RYK: variants seen among roughly 807,000 people sequenced by gnomAD.
RYK encodes the protein receptor like tyrosine kinase, also known as inactive tyrosine-protein kinase RYK.
RYK carries 21 observed loss-of-function variants against 70.2 expected under a neutral mutation model. The ratio of observed to expected loss-of-function variants is 0.30; its 90% CI spans 0.21 to 0.43. RYK has a LOEUF of 0.43. Ranked by LOEUF, RYK falls within the 20% of genes least tolerant of loss-of-function variation. The probability of loss-of-function intolerance (pLI) is 1.00; values close to 1 mark genes in which losing one functional copy is unlikely to be tolerated. For missense variants in RYK, 604 were observed against 753.3 expected (o/e 0.80, Z 2.32); for synonymous variants, 267 against 278.0 (o/e 0.96, Z 0.39).
intron 4 of RYK, among the ~76,000 whole-genome samples, chr3:134,208,221 A>G (rs1033627310): frequency 2.0e-5 from 3 of 152,240 alleles, no homozygotes; most frequent in Middle Eastern, 3.2e-3. Context: ...CATTAACCTT[A>G]GCAGATATTA....
At chr3:134,179,449 C>T (rs893263855) in intron 10 of RYK, 3 of 152,186 alleles carry the variant, frequency 2.0e-5, no homozygotes, top group Admixed American at 2.0e-4. Context: ...CAGTAAACCT[C>T]TAAGAGGCAA....
chr3:134,178,152 A>T, intron 10 of RYK, 79 bp from the exon 11 acceptor site: 1 of 997,654 alleles, frequency 1.0e-6, no homozygotes, highest in South Asian at 1.6e-5. Context: ...AAATAATCTA[A>T]AACAAAACAA....
intron 2 of RYK, among the ~76,000 whole-genome samples, chr3:134,219,438 G>A (rs2014666742): frequency 6.6e-6 from 1 of 152,126 alleles, no homozygotes; most frequent in African/African-American, 2.4e-5. Flanking sequence ...CCATACACTT[G>A]CCCAGGAAAC....
chr3:134,228,468 A>G (rs1226714746), intron 1 of RYK, among the ~76,000 whole-genome samples: 2 of 152,216 alleles, frequency 1.3e-5, no homozygotes, highest in African/African-American at 4.8e-5. Context: ...ATGAATGCAT[A>G]AAGAAAATAT....
chr3:134,165,356 T>C (rs2012624298), intron 13 of RYK, among the ~76,000 whole-genome samples: 1 of 152,240 alleles, frequency 6.6e-6, no homozygotes, highest in Non-Finnish European at 1.5e-5. Flanking sequence ...TTTCTTCCCT[T>C]AGTGCACTGG....
Position 134,182,320 on chromosome 3 carries a change from A to G in RYK, c.1172+682T>C, listed in dbSNP as rs181177713. The stretch of plus-strand genomic sequence containing the variant: ...TGGCTACATGGATTTACAGTTGCCA[A>G]TATCAAAAGTCAGATACATTGTTTC... On this transcript the variant is annotated intron_variant, in intron 10 of 14. Coordinates refer to ENST00000623711, the MANE Select transcript of RYK (RefSeq NM_002958.4). Among the ~76,000 whole-genome samples, 7 of 152,308 alleles carry G rather than the reference A, an allele frequency of 4.6e-5. No individual in the cohort carries two copies. The East Asian group carries it at 7.7e-4, about 17-fold the overall frequency.
At chr3:134,193,340 C>T (rs958778871) in intron 7 of RYK, among the ~76,000 whole-genome samples, 3 of 152,116 alleles carry the variant, frequency 2.0e-5, no homozygotes, top group Non-Finnish European at 4.4e-5. Context: ...CGAGCCACCA[C>T]ACCCAGCTAA....
At chr3:134,216,075 G>GA (rs918866847) in intron 2 of RYK, among the ~76,000 whole-genome samples, 8 of 148,752 alleles carry the variant, frequency 5.4e-5, no homozygotes, top group South Asian at 2.2e-4. Context: ...AAAAGGAAAG[G>GA]AAAAAAAAAG....
At chr3:134,162,127 T>C (rs918416776) in intron 13 of RYK, among the ~76,000 whole-genome samples, 1 of 152,140 alleles carries the variant, frequency 6.6e-6, no homozygotes, top group Non-Finnish European at 1.5e-5. Context: ...TAGGGTGGAT[T>C]AGAGCTCATA....
chr3:134,191,744 A>T, intron 8 of RYK, 105 bp downstream of exon 8: 1 of 874,338 alleles, frequency 1.1e-6, no homozygotes, highest in South Asian at 2.0e-5. Context: ...TCCTATCCTT[A>T]TCTTAGACAC....
intron 5 of RYK, among the ~76,000 whole-genome samples, chr3:134,205,577 T>A (rs1002896310): frequency 6.6e-6 from 1 of 152,226 alleles, no homozygotes; most frequent in African/African-American, 2.4e-5. Context: ...GATACGGCTC[T>A]GCTGGGCAGA....
chr3:134,211,408 C>G (rs1285610042), intron 3 of RYK, 100 bp downstream of exon 3: 1 of 673,436 alleles, frequency 1.5e-6, no homozygotes, highest in Non-Finnish European at 2.5e-6. Context: ...TTATGCCTAT[C>G]AAGTAATACA....
chr3:134,202,472 G>C (rs2014056324), intron 6 of RYK: 2 of 388,060 alleles, frequency 5.2e-6, no homozygotes, highest in African/African-American at 4.3e-5. Context: ...TCATGTCAAA[G>C]GGAATAGAAA....
intron 1 of RYK, among the ~76,000 whole-genome samples, chr3:134,241,172 CAAAA>C (rs34101853): frequency 1.7e-5 from 2 of 118,112 alleles, no homozygotes; most frequent in Non-Finnish European, 1.7e-5. Flanking sequence ...CCATCTCTAC[CAAAA>C]AAAAAAAAAA....
At chr3:134,230,173 G>A (rs2015017607) in intron 1 of RYK, among the ~76,000 whole-genome samples, 1 of 152,146 alleles carries the variant, frequency 6.6e-6, no homozygotes, top group Non-Finnish European at 1.5e-5. Flanking sequence ...TGCAACCTCT[G>A]CCTCCCAGGT....
rs149201586 is a variant in RYK at position 134,168,367 on chromosome 3, A to C, written c.1575+7242T>G. ...TTCACGACAGCAAAGACTTGGAACC[A>C]ACCCAAATGTCCATCAATGATAGAC... On this transcript the variant is annotated intron_variant, in intron 13 of 14. Transcript: ENST00000623711. Among the ~76,000 whole-genome samples the C allele has an allele frequency of 6.1e-3, 932 of 152,334 alleles. 12 individuals carry two copies. The highest frequency in any genetic ancestry group is 0.021 in the African/African-American group (890 of 41,568).
chr3:134,198,685 CAT>C (rs796998520), intron 6 of RYK, among the ~76,000 whole-genome samples: 5 of 152,276 alleles, frequency 3.3e-5, no homozygotes, highest in African/African-American at 1.2e-4. Context: ...GGACAGAAAA[CAT>C]AAACCAGACA....
At chr3:134,197,985 A>G (rs776764095) in intron 6 of RYK, among the ~76,000 whole-genome samples, 6 of 152,234 alleles carry the variant, frequency 3.9e-5, no homozygotes, top group Non-Finnish European at 5.9e-5. Context: ...TAAGCAAAGC[A>G]CTATGCTAAG....
intron 2 of RYK, among the ~76,000 whole-genome samples, chr3:134,218,580 G>A (rs548054016): frequency 9.3e-4 from 142 of 152,268 alleles, no homozygotes; most frequent in Non-Finnish European, 1.9e-3. Context: ...CAGCAGCACT[G>A]TGACAGGTCA....
Sources: gnomAD v4.1 joint callset for allele counts (sites outside exome capture counted in the v4.1 genomes callset) on GRCh38, gnomAD v4.1.1 for gene constraint, MANE v1.5 for transcripts, NCBI Gene and HGNC (gene_info 2026-07-23, HGNC 2026-07-21) for gene names.